Variants in WNT7B observed in about 807,000 individuals in gnomAD.
WNT7B encodes Wnt family member 7B.
Under a neutral mutation model 38.2 loss-of-function variants are expected in WNT7B, and 19 were observed. That is an observed-to-expected ratio of 0.50 (90% CI 0.35 to 0.73). The LOEUF (loss-of-function observed/expected upper bound fraction) is 0.73, where lower values mean the gene tolerates loss of function less well. WNT7B is among the 30% of genes least tolerant of loss of function. The pLI is 0.01. For synonymous variants in WNT7B, 243 were observed against 209.3 expected (o/e 1.16, Z -1.39); for missense variants, 423 against 507.9 (o/e 0.83, Z 1.61).
At chr22:45,944,323 T>C (rs774255524) in intron 2 of WNT7B, among the ~76,000 whole-genome samples, 2 of 152,272 alleles carry the variant, frequency 1.3e-5, no homozygotes, top group Admixed American at 6.5e-5. Flanking sequence ...AGGGCCTCCA[T>C]GCCACCCCCA....
At chr22:45,923,532 G>A (rs1930993347) in intron 3 of WNT7B, among the ~76,000 whole-genome samples, 197 bp from the exon 4 acceptor site, 1 of 152,218 alleles carries the variant, frequency 6.6e-6, no homozygotes, top group African/African-American at 2.4e-5. Flanking sequence ...GGTCTCCACT[G>A]CATAGGAGGT....
chr22:45,971,632 C>T (rs1352438624), intron 1 of WNT7B, among the ~76,000 whole-genome samples: 3 of 152,216 alleles, frequency 2.0e-5, no homozygotes, highest in African/African-American at 4.8e-5. Context: ...GGCAGGAAGG[C>T]GCGAGAAGCC....
At chr22:45,935,814 C>T in intron 2 of WNT7B, 1 of 985,322 alleles carries the variant, frequency 1.0e-6, no homozygotes, top group Non-Finnish European at 1.2e-6. Context: ...TTGCAATAGG[C>T]CCATGGCAGT....
intron 1 of WNT7B, among the ~76,000 whole-genome samples, chr22:45,969,243 G>A (rs539501450): frequency 2.0e-5 from 3 of 152,202 alleles, no homozygotes; most frequent in Admixed American, 1.3e-4. Flanking sequence ...GTGAGTAACC[G>A]CCCCGTCACC....
chr22:45,973,862 A>G (rs1368742419), intron 1 of WNT7B, among the ~76,000 whole-genome samples: 5 of 151,166 alleles, frequency 3.3e-5, no homozygotes, highest in African/African-American at 1.2e-4. Context: ...TTAGGGGCAC[A>G]TGTGTGTGAT....
intron 2 of WNT7B, among the ~76,000 whole-genome samples, chr22:45,937,691 G>A (rs1306873535): frequency 1.3e-5 from 2 of 152,204 alleles, no homozygotes; most frequent in South Asian, 2.1e-4. Context: ...TTCTCCTCCC[G>A]TACTTGCCCC....
rs755829910 is a variant in WNT7B, at chr22:45,931,263, G to T, written c.405C>A (p.Arg135=). Reference sequence around the variant, plus strand: ...CTTGGTTGTAGTAGCCCTGCTTCTCGCGGTCGCAGCCGCAGTTGCTCAGGT... The same window carrying T: ...CTTGGTTGTAGTAGCCCTGCTTCTCTCGGTCGCAGCCGCAGTTGCTCAGGT... The part of the protein sequence containing the change: ...QGNLSNCGCD[R]EKQGYYNQAE... The change falls in exon 3 of 4, where the codon CGC becomes CGA. Residue 135 remains arginine, a synonymous_variant. Coordinates refer to ENST00000339464, the MANE Select transcript of WNT7B (RefSeq NM_058238.3). The T allele has an allele frequency of 1.9e-6, 3 of 1,598,732 alleles. No individual in the cohort carries two copies. In the Admixed American group the frequency reaches 5.0e-5, roughly 27 times the overall value.
At chr22:45,936,907 C>G (rs1370160022) in intron 2 of WNT7B, among the ~76,000 whole-genome samples, 1 of 152,244 alleles carries the variant, frequency 6.6e-6, no homozygotes, top group Non-Finnish European at 1.5e-5. Flanking sequence ...CTGAGTCCAC[C>G]CTCCCAGCCG....
rs750260919 is a variant in WNT7B, at chr22:45,922,720, C to G, written c.*136G>C. ...GAGGGCGTGGGCCCCGGCCGGTGCCCTCCTGCACCTGGAGCTCCCCGCTTC... is the reference window on the plus strand; with the variant it reads ...GAGGGCGTGGGCCCCGGCCGGTGCCGTCCTGCACCTGGAGCTCCCCGCTTC... On this transcript the variant is annotated 3_prime_UTR_variant, in exon 4 of 4. Coordinates refer to ENST00000339464, the MANE Select transcript of WNT7B (RefSeq NM_058238.3). The G allele has an allele frequency of 2.1e-5, 30 of 1,406,394 alleles. No individual in the cohort carries two copies. Among genetic ancestry groups the G allele is most frequent in the Non-Finnish European group, 2.7e-5 (29 of 1,059,392 alleles). The allele number at this position is 1,406,394 out of a possible 1,614,324, so 87.1% of individuals were successfully genotyped here.
intron 2 of WNT7B, among the ~76,000 whole-genome samples, chr22:45,942,882 T>C (rs1931687321): frequency 1.3e-5 from 2 of 151,040 alleles, no homozygotes; most frequent in African/African-American, 4.9e-5. Context: ...CGTGTGTGCA[T>C]GTATGTGCGT....
chr22:45,927,156 G>C, intron 3 of WNT7B: 1 of 984,732 alleles, frequency 1.0e-6, no homozygotes, highest in Non-Finnish European at 1.2e-6. Flanking sequence ...CTGCTGACCT[G>C]CCTGCCCCAC....
intron 1 of WNT7B, among the ~76,000 whole-genome samples, chr22:45,960,672 A>G (rs1382005949): frequency 2.6e-5 from 4 of 152,220 alleles, no homozygotes; most frequent in Admixed American, 2.0e-4. Context: ...TGGCAAAAAT[A>G]TCTGAAGAAT....
chr22:45,976,001 C>T lies in WNT7B; in HGVS notation c.71+683G>A, dbSNP rs1932541665. The T allele has an allele frequency of 6.8e-6, 1 of 147,196 alleles. No individual in the cohort carries two copies. The highest frequency in any genetic ancestry group is 2.1e-4 in the South Asian group (1 of 4,798). The allele number at this position is 147,196 out of a possible 1,614,324, so 9.1% of individuals were successfully genotyped here. On this transcript the variant is annotated intron_variant, in intron 1 of 3. Transcript: ENST00000339464. This position sits in a 1 kb window ranked among gnomAD's most constrained non-coding sequence, Gnocchi z 8.5. The stretch of plus-strand genomic sequence containing the variant: ...AGCAGCTAGCGCGGCTCGCCGGGCG[C>T]CCGCCCGCCGGGCCGCGCCAGGGGG...
At chr22:45,960,066 C>G (rs1183714518) in intron 1 of WNT7B, among the ~76,000 whole-genome samples, 1 of 152,220 alleles carries the variant, frequency 6.6e-6, no homozygotes, top group African/African-American at 2.4e-5. Flanking sequence ...CACCCACCAT[C>G]CTGCCCCTGG....
chr22:45,929,074 G>A (rs1433935583), intron 3 of WNT7B, among the ~76,000 whole-genome samples: 2 of 152,020 alleles, frequency 1.3e-5, no homozygotes, highest in Non-Finnish European at 2.9e-5. Context: ...TCTTCCCCGG[G>A]GGTGTGGGAA....
intron 1 of WNT7B, among the ~76,000 whole-genome samples, chr22:45,961,487 G>T (rs1351593504): frequency 6.6e-6 from 1 of 152,158 alleles, no homozygotes; most frequent in Non-Finnish European, 1.5e-5. Context: ...CCCCACTGTG[G>T]TTCCCCTGGC....
rs968598465 is a variant in WNT7B, at chr22:45,966,304, G to A, written c.71+10380C>T. ...CATCTGTCTCACCACGTGGGACTGC[G>A]CGGGCCTAAGTCTCAGCTCTGGATG... On this transcript the variant is annotated intron_variant, in intron 1 of 3. Coordinates refer to ENST00000339464, the MANE Select transcript of WNT7B (RefSeq NM_058238.3). The surrounding 1 kb of genome is among the most constrained non-coding windows in gnomAD (Gnocchi z 4.2). 6.6e-5 allele frequency among the ~76,000 whole-genome samples: 10 copies of A among 152,212 alleles called. No individual in the cohort carries two copies. Among genetic ancestry groups the A allele is most frequent in the African/African-American group, 1.7e-4 (7 of 41,456 alleles).
At chr22:45,949,828 G>C (rs1931887316) in intron 2 of WNT7B, 92 bp downstream of exon 2, 1 of 1,293,490 alleles carries the variant, frequency 7.7e-7, no homozygotes, top group Non-Finnish European at 1.1e-6. Context: ...GATGTGTGCA[G>C]AACAGCGGCC....
chr22:45,948,021 T>A (rs898454363), intron 2 of WNT7B, among the ~76,000 whole-genome samples: 3 of 151,972 alleles, frequency 2.0e-5, no homozygotes, highest in African/African-American at 7.3e-5. Flanking sequence ...AAGTCCAAGC[T>A]CCCAGCCCTC....
Sources: allele counts gnomAD v4.1 joint callset (sites outside exome capture counted in the v4.1 genomes callset), GRCh38; gene constraint gnomAD v4.1.1; non-coding constraint Gnocchi (gnomAD v3.1); transcripts MANE v1.5; gene names NCBI Gene and HGNC (gene_info 2026-07-23, HGNC 2026-07-21).